The following INTS12 variants were observed in gnomAD, a reference collection of about 807,000 sequenced individuals.
INTS12 encodes integrator complex subunit 12.
INTS12 carries 13 observed loss-of-function variants against 41.6 expected under a neutral mutation model. The ratio of observed to expected loss-of-function variants is 0.31; its 90% CI spans 0.20 to 0.50. The LOEUF is 0.50. Among genes scored for constraint, INTS12 ranks in the 20% least tolerant of loss-of-function variants. The pLI is 0.98. For missense variants in INTS12, 432 were observed against 541.6 expected (o/e 0.80, Z 2.01); for synonymous variants, 199 against 191.4 (o/e 1.04, Z -0.33).
intron 6 of INTS12, 134 bp from the exon 7 acceptor site, chr4:105,686,972 T>C: frequency 1.4e-6 from 1 of 720,552 alleles, no homozygotes; most frequent in East Asian, 2.7e-5. Flanking sequence ...TGATAATGAA[T>C]ATATATGCTC....
At chr4:105,704,398 T>C (rs1333039944) in intron 1 of INTS12, among the ~76,000 whole-genome samples, 3 of 152,242 alleles carry the variant, frequency 2.0e-5, no homozygotes, top group East Asian at 1.9e-4. Context: ...GTCAGCAGCA[T>C]AGGTATCACG....
At chr4:105,692,355 A>C (rs895167630) in intron 5 of INTS12, among the ~76,000 whole-genome samples, 4 of 151,698 alleles carry the variant, frequency 2.6e-5, no homozygotes, top group Non-Finnish European at 5.9e-5. Context: ...ATGGTGGTAC[A>C]CACCTATAAT....
Position 105,682,641 on chromosome 4 carries a change from CT to C in INTS12, c.*91del. The C allele has an allele frequency of 1.1e-6, 1 of 935,750 alleles. No individual in the cohort carries two copies. The highest frequency in any genetic ancestry group is 1.6e-6 in the Non-Finnish European group (1 of 619,606). The allele number at this position is 935,750 out of a possible 1,614,324, so 58.0% of individuals were successfully genotyped here. A position where few individuals can be genotyped will look rare whatever the true frequency, so the allele number is the denominator to read the frequency against. ...AACAATAGAAATTTGATTATGAAGA[CT>C]TTTATTAAATTACAGTGTATTACAG... is the stretch of plus-strand genomic sequence containing the variant. On this transcript the variant is annotated 3_prime_UTR_variant, in exon 8 of 8. Coordinates refer to ENST00000340139, the MANE Select transcript of INTS12 (RefSeq NM_020395.4).
chr4:105,684,515 A>C (rs1731436078), intron 7 of INTS12, among the ~76,000 whole-genome samples: 1 of 152,122 alleles, frequency 6.6e-6, no homozygotes, highest in Non-Finnish European at 1.5e-5. Context: ...GTCTGCATGC[A>C]TACATTTTTA....
intron 3 of INTS12, among the ~76,000 whole-genome samples, chr4:105,698,163 T>G (rs1578388881): frequency 6.6e-6 from 1 of 152,364 alleles, no homozygotes; most frequent in African/African-American, 2.4e-5. Flanking sequence ...GTTCTAGTTG[T>G]TGACGGATGA....
At position 105,687,958 on chromosome 4, in the gene INTS12, AAAC is replaced by A. The variant is rs201904886; in HGVS notation, c.658-1123_658-1121del. On this transcript the variant is annotated intron_variant, in intron 6 of 7. Transcript: ENST00000340139. ...ACAAGAGCAAAACTCCATCTCAAAAAAACAACAACAGAAAAAAAAACAGCAACT... is the reference window on the plus strand; with the variant it reads ...ACAAGAGCAAAACTCCATCTCAAAAAAACAACAGAAAAAAAAACAGCAACT... Among the ~76,000 whole-genome samples, 206 of 152,286 alleles carry A rather than the reference AAAC, an allele frequency of 1.4e-3. 1 individual carries two copies. In the East Asian group the frequency reaches 0.03, roughly 22 times the overall value.
chr4:105,692,066 A>G lies in INTS12; in HGVS notation c.567T>C (p.Asp189=), dbSNP rs762253571. Residue 189 remains aspartate, a synonymous_variant, in exon 6 of 8, where the codon GAT becomes GAC. Coordinates refer to ENST00000340139, the MANE Select transcript of INTS12 (RefSeq NM_020395.4). ...TGTCTGTCACCTGGGGTTTATGACA[A>G]TCTCGGTGGTAGAGATTATGGCACT... ...CQECHNLYHR[D]CHKPQVTDKE... 15 of 1,610,384 alleles carry G rather than the reference A, an allele frequency of 9.3e-6. No individual in the cohort carries two copies. Among genetic ancestry groups the G allele is most frequent in the Non-Finnish European group, 1.3e-5 (15 of 1,178,518 alleles).
rs184988699 is a variant in INTS12 at position 105,708,296 on chromosome 4, C to T, written c.-172+342G>A. 7.9e-4 allele frequency: 778 copies of T among 985,496 alleles called. 1 individual carries two copies. Among genetic ancestry groups the T allele is most frequent in the Middle Eastern group, 1.6e-3 (3 of 1,914 alleles). The allele number at this position is 985,496 out of a possible 1,614,324, so 61.0% of individuals were successfully genotyped here. On this transcript the variant is annotated intron_variant, in intron 1 of 7. Coordinates refer to ENST00000340139, the MANE Select transcript of INTS12 (RefSeq NM_020395.4). ...TCGAAGTCCTAGAATGGGGGATGGTCCTTGACAGGGGAGCCAAAAGATGAG... is the reference window on the plus strand; with the variant it reads ...TCGAAGTCCTAGAATGGGGGATGGTTCTTGACAGGGGAGCCAAAAGATGAG...
At chr4:105,698,990 A>G (rs751209276) in intron 3 of INTS12, among the ~76,000 whole-genome samples, 13 of 152,210 alleles carry the variant, frequency 8.5e-5, no homozygotes, top group Non-Finnish European at 1.6e-4. Flanking sequence ...AGGGAATATA[A>G]TAAGAGTTGT....
At chr4:105,694,803 A>G (rs1214145701) in intron 4 of INTS12, among the ~76,000 whole-genome samples, 1 of 152,224 alleles carries the variant, frequency 6.6e-6, no homozygotes, top group African/African-American at 2.4e-5. Context: ...TAATTACTAT[A>G]TGTAGAAATC....
At chr4:105,692,386 AG>A (rs1731721430) in intron 5 of INTS12, among the ~76,000 whole-genome samples, 1 of 149,930 alleles carries the variant, frequency 6.7e-6, no homozygotes, top group African/African-American at 2.5e-5. Context: ...CAGGAGGCTG[AG>A]GCAGGAGAAT....
intron 5 of INTS12, among the ~76,000 whole-genome samples, chr4:105,693,007 G>T (rs1226818238): frequency 2.0e-5 from 3 of 152,074 alleles, no homozygotes; most frequent in African/African-American, 7.2e-5. Context: ...ATTATCAAAG[G>T]CATATATATC....
At chr4:105,693,611 T>C (rs904982039) in intron 4 of INTS12, 125 bp from the exon 5 acceptor site, 4 of 687,748 alleles carry the variant, frequency 5.8e-6, no homozygotes, top group Admixed American at 2.5e-5. Context: ...ATTCACATAG[T>C]TAGGGACAGA....
At position 105,698,481 on chromosome 4, in the gene INTS12, G is replaced by A. The variant is rs187394178; in HGVS notation, c.156+1369C>T. Among the ~76,000 whole-genome samples the A allele has an allele frequency of 3.9e-5, 6 of 152,286 alleles. No homozygotes were observed. In the South Asian group the frequency reaches 6.2e-4, roughly 16 times the overall value. ...CTCTAGCTAGAAACCTAAGGGCAGCGTGCTTTTTAATCACAACAAATTTTT... is the reference window on the plus strand; with the variant it reads ...CTCTAGCTAGAAACCTAAGGGCAGCATGCTTTTTAATCACAACAAATTTTT... On this transcript the variant is annotated intron_variant, in intron 3 of 7. Coordinates refer to ENST00000340139, the MANE Select transcript of INTS12 (RefSeq NM_020395.4).
At chr4:105,700,639 T>C (rs1200335682) in intron 2 of INTS12, among the ~76,000 whole-genome samples, 1 of 151,302 alleles carries the variant, frequency 6.6e-6, no homozygotes, top group Non-Finnish European at 1.5e-5. Context: ...ATTTAGATTG[T>C]GGTATCTCAT....
At chr4:105,692,870 C>T (rs143567053) in intron 5 of INTS12, among the ~76,000 whole-genome samples, 59 of 152,270 alleles carry the variant, frequency 3.9e-4, no homozygotes, top group African/African-American at 1.3e-3. Flanking sequence ...TATCCACAGT[C>T]CTTAGCACAT....
chr4:105,682,666 A>C lies in INTS12; in HGVS notation c.*67T>G. The C allele has an allele frequency of 8.5e-7, 1 of 1,175,554 alleles. No homozygotes were observed. The highest frequency in any genetic ancestry group is 1.4e-5 in the South Asian group (1 of 71,928). The allele number at this position is 1,175,554 out of a possible 1,614,324, so 72.8% of individuals were successfully genotyped here. On this transcript the variant is annotated 3_prime_UTR_variant, in exon 8 of 8. Transcript: ENST00000340139. ...CTTTTATTAAATTACAGTGTATTAC[A>C]GATTATATCATAATAATAAGCCTTT...
Position 105,704,346 on chromosome 4 carries a change from C to G in INTS12, c.-171-537G>C, listed in dbSNP as rs547923033. 2.0e-5 allele frequency among the ~76,000 whole-genome samples: 3 copies of G among 152,352 alleles called. No individual in the cohort carries two copies. In the South Asian group the frequency reaches 6.2e-4, roughly 32 times the overall value. On this transcript the variant is annotated intron_variant, in intron 1 of 7. Coordinates refer to ENST00000340139, the MANE Select transcript of INTS12 (RefSeq NM_020395.4). ...CTCAGTGCTAGGTTCTGGGTCTCTT[C>G]TTGACTTGTTCTACATCTTCTTCCA...
intron 3 of INTS12, among the ~76,000 whole-genome samples, chr4:105,698,186 C>G (rs1365907449): frequency 6.6e-6 from 1 of 152,200 alleles, no homozygotes; most frequent in Non-Finnish European, 1.5e-5. Flanking sequence ...TAAGTTTTAA[C>G]TCCATTATTT....
Sources: allele counts gnomAD v4.1 joint callset (sites outside exome capture counted in the v4.1 genomes callset), GRCh38; gene constraint gnomAD v4.1.1; transcripts MANE v1.5; gene names NCBI Gene and HGNC (gene_info 2026-07-23, HGNC 2026-07-21).